Variants in AP2B1 observed in about 807,000 individuals in gnomAD.
The protein encoded by AP2B1 is AP-2 complex subunit beta.
Under a neutral mutation model 102.0 loss-of-function variants are expected in AP2B1, and 23 were observed. The ratio of observed to expected loss-of-function variants is 0.23; its 90% confidence interval spans 0.16 to 0.32. The LOEUF (loss-of-function observed/expected upper bound fraction) is 0.32. Ranked by LOEUF, AP2B1 falls within the 10% of genes least tolerant of loss-of-function variation. The pLI is 1.00. For missense variants in AP2B1, 541 were observed against 1,157.4 expected (o/e 0.47, Z 7.73); for synonymous variants, 381 against 421.2 (o/e 0.90, Z 1.17).
chr17:35,635,348 C>T (rs140719020), intron 9 of AP2B1, among the ~76,000 whole-genome samples: 261 of 152,204 alleles, frequency 1.7e-3, no homozygotes, highest in African/African-American at 6.1e-3. Context: ...AGCCACTGCA[C>T]CTGGCCATAA....
At chr17:35,643,413 C>G (rs906108745) in intron 12 of AP2B1, among the ~76,000 whole-genome samples, 1 of 152,156 alleles carries the variant, frequency 6.6e-6, no homozygotes, top group African/African-American at 2.4e-5. Context: ...CCTCTGTTTT[C>G]ACAAGTTCTC....
At chr17:35,629,130 G>A (rs1198855514) in intron 9 of AP2B1, among the ~76,000 whole-genome samples, 1 of 152,016 alleles carries the variant, frequency 6.6e-6, no homozygotes, top group Non-Finnish European at 1.5e-5. Flanking sequence ...TGTATTTTTA[G>A]TAGAGACGAG....
intron 14 of AP2B1, among the ~76,000 whole-genome samples, chr17:35,664,056 G>C (rs1490962677): frequency 6.6e-6 from 1 of 151,944 alleles, no homozygotes; most frequent in African/African-American, 2.4e-5. Flanking sequence ...CACTATGCCT[G>C]GTCATTTTAT....
chr17:35,624,334 G>A (rs2074260101), intron 5 of AP2B1, 63 bp from the exon 6 acceptor site: 1 of 1,462,648 alleles, frequency 6.8e-7, no homozygotes, highest in Non-Finnish European at 9.4e-7. Context: ...GAAGGCTGAT[G>A]AAGTGTTTGT....
chr17:35,621,661 A>G (rs1032368569), intron 5 of AP2B1, among the ~76,000 whole-genome samples: 1 of 152,216 alleles, frequency 6.6e-6, no homozygotes. Flanking sequence ...GCAATTGCCT[A>G]TTTAAACATC....
intron 14 of AP2B1, among the ~76,000 whole-genome samples, chr17:35,663,315 C>T (rs2075396980): frequency 6.6e-6 from 1 of 152,188 alleles, no homozygotes. Flanking sequence ...TTACTAATTT[C>T]TGAGTTCTAG....
Position 35,671,781 on chromosome 17 carries a change from G to A in AP2B1, c.2059G>A (p.Val687Met). Residue 687 changes from valine to methionine, a missense_variant, in exon 16 of 22, where the codon GTG becomes ATG. This residue lies in a region of AP2B1 where 27 missense variants were observed against 84.1 expected (regional missense o/e 0.32). Coordinates refer to ENST00000610402, the MANE Select transcript of AP2B1 (RefSeq NM_001030006.2). The part of the protein sequence containing the change: ...AVGQSFIPSS[V>M]PATFAPSPTP... ...GGGACAATCCTTCATCCCATCATCG[G>A]TGCCTGCAACCTTTGCTCCTTCACC... 2 of 1,612,948 alleles carry A rather than the reference G, an allele frequency of 1.2e-6. No homozygotes were observed. The highest frequency in any genetic ancestry group is 1.7e-5 in the Admixed American group (1 of 59,918).
intron 17 of AP2B1, among the ~76,000 whole-genome samples, chr17:35,680,110 A>G (rs587763200): frequency 6.6e-6 from 1 of 151,960 alleles, no homozygotes; most frequent in East Asian, 1.9e-4. Context: ...GTTTCACCGT[A>G]TTGGCCAGGC....
intron 5 of AP2B1, among the ~76,000 whole-genome samples, chr17:35,616,342 A>T (rs2074019524): frequency 6.6e-6 from 1 of 150,606 alleles, no homozygotes; most frequent in Admixed American, 6.6e-5. Context: ...TTTTTTTTGT[A>T]TTTTTAGTAG....
chr17:35,692,049 G>A (rs587606483), intron 18 of AP2B1, among the ~76,000 whole-genome samples: 9 of 152,200 alleles, frequency 5.9e-5, no homozygotes, highest in Middle Eastern at 3.4e-3. Flanking sequence ...CTCAACTACT[G>A]GTTTCTGGGA....
rs774847817 is a variant in AP2B1, at chr17:35,608,103, C to T, written c.280-39C>T. 5 of 1,608,348 alleles carry T rather than the reference C, an allele frequency of 3.1e-6. No individual in the cohort carries two copies. In the South Asian group the frequency reaches 5.5e-5, roughly 18 times the overall value. On this transcript the variant is annotated intron_variant, in intron 4 of 21. Coordinates refer to ENST00000610402, the MANE Select transcript of AP2B1 (RefSeq NM_001030006.2). ...AAACTGGACTGTTTACTTTTAGCCA[C>T]CATGTATACCTACAGTTGTTGGTGA...
At chr17:35,598,877 C>G (rs1012107507) in intron 3 of AP2B1, among the ~76,000 whole-genome samples, 1 of 152,136 alleles carries the variant, frequency 6.6e-6, no homozygotes, top group South Asian at 2.1e-4. Context: ...TCGGGGGGTC[C>G]GTGAGGTCAA....
intron 3 of AP2B1, chr17:35,601,045 G>A (rs1218513203): frequency 1.3e-5 from 13 of 979,830 alleles, no homozygotes; most frequent in Non-Finnish European, 1.6e-5. Flanking sequence ...TAAGGAGTTG[G>A]CAAACGTTTT....
At chr17:35,694,673 C>T (rs587596280) in intron 18 of AP2B1, among the ~76,000 whole-genome samples, 3 of 152,164 alleles carry the variant, frequency 2.0e-5, no homozygotes, top group East Asian at 3.9e-4. Flanking sequence ...GTCAGGAGTT[C>T]GAGACCAGCC....
intron 5 of AP2B1, among the ~76,000 whole-genome samples, chr17:35,622,889 C>A (rs1437770510): frequency 6.6e-6 from 1 of 152,070 alleles, no homozygotes; most frequent in Non-Finnish European, 1.5e-5. Context: ...TGGTCTCGAA[C>A]TCCTGACCTA....
intron 3 of AP2B1, 151 bp from the exon 4 acceptor site, chr17:35,605,554 T>C (rs1567790713): frequency 4.5e-6 from 3 of 667,754 alleles, no homozygotes; most frequent in Non-Finnish European, 7.7e-6. Flanking sequence ...CCAGCCAGTT[T>C]CTTTAGTAAT....
intron 18 of AP2B1, among the ~76,000 whole-genome samples, chr17:35,697,858 A>G (rs1313924038): frequency 1.3e-5 from 2 of 152,194 alleles, no homozygotes; most frequent in Non-Finnish European, 2.9e-5. Context: ...GCTACTCGGG[A>G]GGCTGAGGCA....
chr17:35,660,475 C>A (rs2075332933), intron 14 of AP2B1, among the ~76,000 whole-genome samples: 2 of 145,596 alleles, frequency 1.4e-5, no homozygotes, highest in Admixed American at 6.9e-5. Context: ...TTTTCTTTTT[C>A]TCTCTCTTTT....
At chr17:35,657,469 A>C in intron 13 of AP2B1, 130 bp from the exon 14 acceptor site, 1 of 618,868 alleles carries the variant, frequency 1.6e-6, no homozygotes, top group South Asian at 3.1e-5. Context: ...AATGGTTATA[A>C]AATCAGAGAG....
Sources: allele counts gnomAD v4.1 joint callset (sites outside exome capture counted in the v4.1 genomes callset), GRCh38; gene constraint gnomAD v4.1.1; regional missense constraint gnomAD v4.1.1; transcripts MANE v1.5; gene names NCBI Gene and HGNC (gene_info 2026-07-23, HGNC 2026-07-21).